Variants in MAP2 observed in about 807,000 individuals in gnomAD.
MAP2 encodes the protein microtubule-associated protein 2.
Under a neutral mutation model 137.6 loss-of-function variants are expected in MAP2, and 14 were observed. The ratio of observed to expected loss-of-function variants is 0.10; its 90% CI spans 0.07 to 0.16. The LOEUF (loss-of-function observed/expected upper bound fraction) is 0.16, where lower values mean the gene tolerates loss of function less well. MAP2 is among the 10% of genes least tolerant of loss of function. The pLI is 1.00. For missense variants in MAP2, 2,088 were observed against 2,191.5 expected, an observed-to-expected ratio of 0.95 and a Z score of 0.94; for synonymous variants, 786 against 782.3, an observed-to-expected ratio of 1.00 and a Z score of -0.08.
chr2:209,451,984 T>C (rs1432739383), intron 1 of MAP2, among the ~76,000 whole-genome samples: 1 of 152,300 alleles, frequency 6.6e-6, no homozygotes, highest in African/African-American at 2.4e-5. Flanking sequence ...TAGAACTCTG[T>C]TTTTCATCTT....
At chr2:209,444,887 AAG>A (rs1273424426) in intron 1 of MAP2, among the ~76,000 whole-genome samples, 3 of 151,394 alleles carry the variant, frequency 2.0e-5, no homozygotes, top group Non-Finnish European at 4.4e-5. Flanking sequence ...CACTTTCAAA[AAG>A]AAATGTTTGA....
chr2:209,545,004 A>G (rs1419136998), intron 2 of MAP2, among the ~76,000 whole-genome samples: 1 of 152,226 alleles, frequency 6.6e-6, no homozygotes, highest in Admixed American at 6.5e-5. Context: ...AGAGATTCAG[A>G]TAAAATGGAA....
At chr2:209,730,087 T>G in intron 15 of MAP2, 95 bp from the exon 16 acceptor site, 1 of 1,181,920 alleles carries the variant, frequency 8.5e-7, no homozygotes, top group Non-Finnish European at 1.2e-6. Flanking sequence ...CAGAGGTGAA[T>G]AGAAGTCATT....
At chr2:209,648,447 A>G (rs2094547669) in intron 4 of MAP2, among the ~76,000 whole-genome samples, 1 of 152,024 alleles carries the variant, frequency 6.6e-6, no homozygotes, top group Non-Finnish European at 1.5e-5. Context: ...CAGTATTCCC[A>G]TTATATATTG....
intron 3 of MAP2, among the ~76,000 whole-genome samples, chr2:209,584,077 T>A (rs2077131741): frequency 6.6e-6 from 1 of 152,130 alleles, no homozygotes; most frequent in Admixed American, 6.6e-5. Context: ...TCCAGCTGTA[T>A]CCATGTTGCT....
intron 4 of MAP2, among the ~76,000 whole-genome samples, chr2:209,636,771 T>C (rs1287048484): frequency 6.6e-6 from 1 of 152,148 alleles, no homozygotes; most frequent in Non-Finnish European, 1.5e-5. Flanking sequence ...TACCAATGTA[T>C]ATTTTTAATG....
At position 209,693,128 on chromosome 2, in the gene MAP2, G is replaced by A. The variant is rs1408927893; in HGVS notation, c.958G>A (p.Gly320Arg). Residue 320 changes from glycine to arginine, a missense_variant, in exon 8 of 16, where the codon GGA becomes AGA. Physicochemically the swap from Gly to Arg is moderately radical, Grantham distance 125 (BLOSUM62 -2). Around this residue, in one of 6 missense-constraint regions of MAP2, gnomAD observed 859 missense variants for 794.5 expected, o/e 1.08. Transcript: ENST00000682079. ...TCCCATGCCAAGTCCCTTTCAAGGG[G>A]GAAGCTTCACTCTTCCTTTAGATGT... ...DSPMPSPFQG[G>R]SFTLPLDVMK... The A allele has an allele frequency of 6.2e-7, 1 of 1,611,854 alleles. No homozygotes were observed. Among genetic ancestry groups the A allele is most frequent in the African/African-American group, 1.3e-5 (1 of 74,746 alleles).
At chr2:209,728,973 A>G (rs1048253524) in intron 14 of MAP2, among the ~76,000 whole-genome samples, 1 of 152,220 alleles carries the variant, frequency 6.6e-6, no homozygotes, top group Non-Finnish European at 1.5e-5. Context: ...GATCAAATAC[A>G]TCAGCAGACA....
intron 1 of MAP2, among the ~76,000 whole-genome samples, chr2:209,506,068 G>C (rs2061016049): frequency 6.6e-6 from 1 of 151,936 alleles, no homozygotes; most frequent in Non-Finnish European, 1.5e-5. Flanking sequence ...AGAGTTGTTG[G>C]CTTTATAGCC....
chr2:209,704,432 G>T, intron 11 of MAP2: 3 of 1,586,580 alleles, frequency 1.9e-6, no homozygotes, highest in South Asian at 1.2e-5. Flanking sequence ...GCTTTTGTTT[G>T]TTTTCTTTCA....
intron 13 of MAP2, among the ~76,000 whole-genome samples, chr2:209,713,999 C>T (rs1390486617): frequency 6.6e-6 from 1 of 151,816 alleles, no homozygotes; most frequent in African/African-American, 2.4e-5. Context: ...CGAGACCAGC[C>T]TGGCCAACAT....
At chr2:209,725,644 T>C in intron 13 of MAP2, 65 bp from the exon 14 acceptor site, 1 of 1,013,102 alleles carries the variant, frequency 9.9e-7, no homozygotes, top group Non-Finnish European at 1.4e-6. Flanking sequence ...CTAGATCTTA[T>C]GTATGAGCTT....
intron 5 of MAP2, among the ~76,000 whole-genome samples, chr2:209,668,692 G>T (rs3768830): frequency 0.24 from 35,720 of 151,856 alleles, 6,972 homozygotes; most frequent in African/African-American, 0.54. Context: ...ATTTTGCTAC[G>T]TACAGGTCTG....
intron 1 of MAP2, among the ~76,000 whole-genome samples, chr2:209,464,257 CT>C (rs1197592640): frequency 2.0e-5 from 3 of 151,958 alleles, no homozygotes; most frequent in Non-Finnish European, 4.4e-5. Flanking sequence ...CAATGTTAGT[CT>C]TTTTTTCTGA....
intron 5 of MAP2, among the ~76,000 whole-genome samples, chr2:209,658,081 A>C (rs1163708423): frequency 6.6e-6 from 1 of 152,186 alleles, no homozygotes; most frequent in Non-Finnish European, 1.5e-5. Context: ...CCTCATCCTT[A>C]AGTTTCAGTT....
chr2:209,671,124 A>G (rs2048663988), intron 5 of MAP2, among the ~76,000 whole-genome samples: 1 of 151,952 alleles, frequency 6.6e-6, no homozygotes, highest in Admixed American at 6.6e-5. Context: ...AATCTTTAGA[A>G]GAAATATCTG....
intron 3 of MAP2, among the ~76,000 whole-genome samples, chr2:209,623,523 A>T (rs1462488615): frequency 6.6e-6 from 1 of 152,190 alleles, no homozygotes; most frequent in Non-Finnish European, 1.5e-5. Flanking sequence ...AATAAAACAG[A>T]TATTCTATCC....
chr2:209,561,742 T>C (rs2072157361), intron 2 of MAP2, among the ~76,000 whole-genome samples: 1 of 152,252 alleles, frequency 6.6e-6, no homozygotes, highest in Non-Finnish European at 1.5e-5. Context: ...TTACTCAGTC[T>C]TCAAACTATG....
At chr2:209,672,090 A>G (rs1357103377) in intron 5 of MAP2, among the ~76,000 whole-genome samples, 2 of 151,974 alleles carry the variant, frequency 1.3e-5, no homozygotes, top group Admixed American at 6.6e-5. Flanking sequence ...AAGTAGTGTG[A>G]TCAGAAGAGC....
Sources: allele counts gnomAD v4.1 joint callset (sites outside exome capture counted in the v4.1 genomes callset), GRCh38; gene constraint gnomAD v4.1.1; regional missense constraint gnomAD v4.1.1; transcripts MANE v1.5; gene names NCBI Gene and HGNC (gene_info 2026-07-23, HGNC 2026-07-21).